Variants in ERICH3 observed in about 807,000 individuals in gnomAD.
The protein encoded by ERICH3 is glutamate rich 3.
ERICH3 carries 126 observed loss-of-function variants against 131.1 expected under a neutral mutation model. The observed-to-expected ratio is 0.96, with a 90% confidence interval of 0.83 to 1.11. The LOEUF (loss-of-function observed/expected upper bound fraction) is 1.11, where lower values mean the gene tolerates loss of function less well. ERICH3 is among the 50% of genes most tolerant of loss of function. The pLI is 0.00. For synonymous variants in ERICH3, 695 were observed against 644.6 expected (o/e 1.08, Z -1.18); for missense variants, 2,050 against 1,810.7 (o/e 1.13, Z -2.40).
intron 3 of ERICH3, among the ~76,000 whole-genome samples, chr1:74,645,966 G>T (rs956243300): frequency 6.6e-6 from 1 of 152,080 alleles, no homozygotes; most frequent in Non-Finnish European, 1.5e-5. Context: ...GTCAAGCCAA[G>T]AAGTGACATG....
chr1:74,617,550 T>C (rs1184272445), intron 8 of ERICH3, among the ~76,000 whole-genome samples: 1 of 152,242 alleles, frequency 6.6e-6, no homozygotes, highest in Admixed American at 6.5e-5. Context: ...CAAATATGCA[T>C]GACTCTCAAA....
intron 1 of ERICH3, among the ~76,000 whole-genome samples, chr1:74,672,382 A>G (rs1283394965): frequency 2.0e-5 from 3 of 152,240 alleles, no homozygotes; most frequent in Non-Finnish European, 2.9e-5. Context: ...AATCATAGCT[A>G]TATCACTTTT....
chr1:74,654,644 C>CA (rs1460737297), intron 1 of ERICH3, among the ~76,000 whole-genome samples: 2 of 152,036 alleles, frequency 1.3e-5, no homozygotes, highest in African/African-American at 4.8e-5. Flanking sequence ...ATAAGGGCAC[C>CA]AATCCCTCAT....
intron 12 of ERICH3, among the ~76,000 whole-genome samples, chr1:74,583,022 T>C (rs997048955): frequency 6.6e-6 from 1 of 152,158 alleles, no homozygotes; most frequent in Non-Finnish European, 1.5e-5. Context: ...GCCATTTTTC[T>C]CCTTTAAAAC....
Position 74,572,051 on chromosome 1 carries a change from T to G in ERICH3, c.3659A>C (p.Glu1220Ala), listed in dbSNP as rs1570787154. 3.1e-6 allele frequency: 5 copies of G among 1,614,222 alleles called. No homozygotes were observed. The East Asian group carries it at 1.1e-4, about 36-fold the overall frequency. ...QDGEGALAAP[E>A]AEPAGKVQAP... ...CTGCACCTTTCCTGCTGGCTCAGCTTCAGGAGCTGCTAAGGCCCCCTCTCC... is the reference window on the plus strand; with the variant it reads ...CTGCACCTTTCCTGCTGGCTCAGCTGCAGGAGCTGCTAAGGCCCCCTCTCC... The change falls in exon 14 of 15, where the codon GAA becomes GCA. Residue 1220 changes from glutamate to alanine, a missense_variant. Coordinates refer to ENST00000326665, the MANE Select transcript of ERICH3 (RefSeq NM_001002912.5).
intron 11 of ERICH3, among the ~76,000 whole-genome samples, chr1:74,594,373 G>C (rs1285435907): frequency 1.3e-5 from 2 of 151,436 alleles, no homozygotes; most frequent in Non-Finnish European, 2.9e-5. Context: ...GCCTGACCAA[G>C]GGCACCAGCC....
chr1:74,609,652 C>G (rs1447228436), intron 9 of ERICH3, among the ~76,000 whole-genome samples: 1 of 152,004 alleles, frequency 6.6e-6, no homozygotes, highest in Non-Finnish European at 1.5e-5. Flanking sequence ...TTTACCTGAC[C>G]TGCAACAGGG....
intron 1 of ERICH3, among the ~76,000 whole-genome samples, chr1:74,655,443 C>T (rs746296666): frequency 1.7e-4 from 26 of 152,146 alleles, no homozygotes; most frequent in Admixed American, 6.5e-5. Flanking sequence ...AGGCTGCCTA[C>T]ATGCCTTGGG....
intron 13 of ERICH3, among the ~76,000 whole-genome samples, chr1:74,574,390 A>T (rs1349789306): frequency 2.0e-5 from 3 of 152,172 alleles, no homozygotes; most frequent in African/African-American, 7.2e-5. Flanking sequence ...GTGTGAACTG[A>T]TGATTCTCAC....
At chr1:74,590,506 A>G (rs1175387444) in intron 11 of ERICH3, among the ~76,000 whole-genome samples, 1 of 152,244 alleles carries the variant, frequency 6.6e-6, no homozygotes, top group African/African-American at 2.4e-5. Flanking sequence ...TTAGATTCTC[A>G]TAAGGAGCTC....
chr1:74,622,975 C>T (rs1342040531), intron 7 of ERICH3: 1 of 152,150 alleles, frequency 6.6e-6, no homozygotes, highest in Non-Finnish European at 1.5e-5. Flanking sequence ...CAAGTGACAG[C>T]TCGTGATTAA....
intron 7 of ERICH3, among the ~76,000 whole-genome samples, chr1:74,629,549 G>C (rs1456416526): frequency 6.6e-6 from 1 of 152,024 alleles, no homozygotes; most frequent in Non-Finnish European, 1.5e-5. Flanking sequence ...CACTTGTCAC[G>C]ACCCTGGGAT....
intron 12 of ERICH3, among the ~76,000 whole-genome samples, chr1:74,585,308 C>A (rs1424356650): frequency 1.3e-5 from 2 of 152,118 alleles, no homozygotes; most frequent in Admixed American, 6.6e-5. Context: ...TTGCAGCTAG[C>A]AATTATAATC....
chr1:74,630,185 T>C (rs970098933), intron 7 of ERICH3, among the ~76,000 whole-genome samples: 9 of 152,154 alleles, frequency 5.9e-5, no homozygotes, highest in African/African-American at 2.2e-4. Context: ...AGTAAGTCAT[T>C]GTTTTTGCTA....
chr1:74,571,257 C>G lies in ERICH3; in HGVS notation c.4453G>C (p.Glu1485Gln), dbSNP rs139857791. 269 of 1,614,032 alleles carry G rather than the reference C, an allele frequency of 1.7e-4. No homozygotes were observed. In the African/African-American group the frequency reaches 3.3e-3, roughly 20 times the overall value. Residue 1485 changes from glutamate to glutamine, a missense_variant, in exon 14 of 15, where the codon GAA becomes CAA. Glu to Gln is a conservative substitution (Grantham distance 29). Transcript: ENST00000326665. ...GCCTGTAGACTCTCCGGACTCAATT[C>G]CCTCTCTCCCTCCCGTGATAATCCT... is the stretch of plus-strand genomic sequence containing the variant. ...RLGLSREGER[E>Q]LSPESLQAMA...
chr1:74,574,157 AT>A (rs1341817745), intron 13 of ERICH3, among the ~76,000 whole-genome samples: 1 of 151,692 alleles, frequency 6.6e-6, no homozygotes, highest in Non-Finnish European at 1.5e-5. Context: ...TGCCAGGCTA[AT>A]TTTTTTGTTT....
intron 9 of ERICH3, among the ~76,000 whole-genome samples, chr1:74,610,708 T>G (rs780885286): frequency 6.6e-6 from 1 of 151,960 alleles, no homozygotes; most frequent in Non-Finnish European, 1.5e-5. Flanking sequence ...TAAAAACTTC[T>G]CTATAGTCTC....
intron 1 of ERICH3, among the ~76,000 whole-genome samples, chr1:74,671,138 A>T (rs997493551): frequency 3.3e-5 from 5 of 151,852 alleles, no homozygotes; most frequent in Admixed American, 2.6e-4. Flanking sequence ...ATAGACCCTT[A>T]TCAGTAGTTC....
At chr1:74,631,451 G>T (rs909789575) in intron 7 of ERICH3, among the ~76,000 whole-genome samples, 1 of 151,942 alleles carries the variant, frequency 6.6e-6, no homozygotes, top group Non-Finnish European at 1.5e-5. Context: ...TAAATGATTT[G>T]GAAATAGGTA....
Sources: allele counts gnomAD v4.1 joint callset (sites outside exome capture counted in the v4.1 genomes callset), GRCh38; gene constraint gnomAD v4.1.1; transcripts MANE v1.5; gene names NCBI Gene and HGNC (gene_info 2026-07-23, HGNC 2026-07-21).